FGF14: variants seen among roughly 807,000 people sequenced by gnomAD.
FGF14 encodes fibroblast growth factor homologous factor 4.
Under a neutral mutation model 25.5 loss-of-function variants are expected in FGF14, and 5 were observed. That is an observed-to-expected ratio of 0.20 (90% CI 0.10 to 0.41). The LOEUF is 0.41. Among genes scored for constraint, FGF14 ranks in the 10% least tolerant of loss-of-function variants. The pLI, the probability that FGF14 is intolerant of heterozygous loss-of-function variation, is 1.00. For missense variants in FGF14, 222 were observed against 320.1 expected (o/e 0.69, Z 2.34); for synonymous variants, 138 against 118.3 (o/e 1.17, Z -1.08).
At chr13:101,943,812 T>TAAAA (rs58741547) in intron 1 of FGF14, among the ~76,000 whole-genome samples, 2 of 134,256 alleles carry the variant, frequency 1.5e-5, no homozygotes, top group African/African-American at 6.1e-5. Flanking sequence ...TGTCTCTACT[T>TAAAA]AAAAAAAAAA....
chr13:101,953,402 G>A (rs1466385928), intron 1 of FGF14, among the ~76,000 whole-genome samples: 1 of 151,898 alleles, frequency 6.6e-6, no homozygotes, highest in African/African-American at 2.4e-5. Flanking sequence ...GTTCTGCTAG[G>A]ACAGAGATGA....
intron 1 of FGF14, among the ~76,000 whole-genome samples, chr13:101,912,542 A>G (rs1594702140): frequency 6.6e-6 from 1 of 152,290 alleles, no homozygotes; most frequent in African/African-American, 2.4e-5. Flanking sequence ...TAAGATTCCA[A>G]ATAATAAAAC....
At chr13:102,306,854 A>G (rs573135115) in intron 1 of FGF14, among the ~76,000 whole-genome samples, 4 of 152,272 alleles carry the variant, frequency 2.6e-5, no homozygotes, top group African/African-American at 7.2e-5. Flanking sequence ...TATGCACAAT[A>G]AAGACCACCC....
chr13:101,764,760 A>C (rs148445626), intron 3 of FGF14, among the ~76,000 whole-genome samples: 124 of 152,328 alleles, frequency 8.1e-4, no homozygotes, highest in African/African-American at 2.9e-3. Flanking sequence ...GAGGTACTGA[A>C]GTTAAGGAAG....
chr13:102,078,419 C>T (rs944695701), intron 1 of FGF14, among the ~76,000 whole-genome samples: 2 of 151,332 alleles, frequency 1.3e-5, no homozygotes, highest in African/African-American at 4.9e-5. Context: ...CAACTAAAAA[C>T]AAGTCAAACA....
At chr13:102,329,292 GCTT>G (rs1271878340) in intron 1 of FGF14, among the ~76,000 whole-genome samples, 2 of 152,084 alleles carry the variant, frequency 1.3e-5, no homozygotes, top group East Asian at 1.9e-4. Context: ...TGAAGATTTG[GCTT>G]CTTATTAGCC....
chr13:101,749,447 T>C (rs1371166748), intron 3 of FGF14, among the ~76,000 whole-genome samples: 1 of 152,074 alleles, frequency 6.6e-6, no homozygotes, highest in Non-Finnish European at 1.5e-5. Context: ...ATTTCATCTA[T>C]GTAACACTCT....
intron 1 of FGF14, among the ~76,000 whole-genome samples, chr13:101,881,781 C>T (rs1412938817): frequency 6.6e-6 from 1 of 152,150 alleles, no homozygotes; most frequent in Admixed American, 6.5e-5. Context: ...TGGTGTGTCG[C>T]TCAAGTGCCG....
At chr13:101,837,256 T>C (rs770130416) in intron 3 of FGF14, among the ~76,000 whole-genome samples, 7 of 152,116 alleles carry the variant, frequency 4.6e-5, no homozygotes, top group Non-Finnish European at 8.8e-5. Context: ...TACATTTTAA[T>C]ATTCTCTAGT....
chr13:101,902,346 A>G (rs1436836971), intron 1 of FGF14, among the ~76,000 whole-genome samples: 1 of 151,884 alleles, frequency 6.6e-6, no homozygotes, highest in Non-Finnish European at 1.5e-5. Context: ...GGTTCTTTAC[A>G]GTGTCCAGAG....
intron 1 of FGF14, among the ~76,000 whole-genome samples, chr13:102,245,608 A>G (rs2051827174): frequency 6.6e-6 from 1 of 152,084 alleles, no homozygotes; most frequent in South Asian, 2.1e-4. Context: ...AATTTCCTTT[A>G]GATTGTTAAT....
In FGF14 at chr13:102,378,627, C is replaced by CTATA. The variant is rs1268202617; in HGVS notation, c.208+22843_208+22844insTATA. On this transcript the variant is annotated intron_variant, in intron 1 of 4. Coordinates refer to the FGF14 transcript ENST00000376131. Reference sequence around the variant, plus strand: ...TCTATCTATCTATCTATCTATCTATCTATCTATATATATATATATCTTCTC... The same window carrying CTATA: ...TCTATCTATCTATCTATCTATCTATCTATATATCTATATATATATATATCTTCTC... 2.1e-3 allele frequency among the ~76,000 whole-genome samples: 274 copies of CTATA among 132,726 alleles called. 1 individual carries two copies. The highest frequency in any genetic ancestry group is 0.017 in the Middle Eastern group (4 of 238). 87.1% of individuals were successfully genotyped at this position (132,726 alleles called of 152,430 possible). A position where few individuals can be genotyped will look rare whatever the true frequency, so the allele number is the denominator to read the frequency against.
intron 1 of FGF14, among the ~76,000 whole-genome samples, chr13:102,264,823 G>A (rs2052907139): frequency 6.6e-6 from 1 of 151,994 alleles, no homozygotes; most frequent in African/African-American, 2.4e-5. Flanking sequence ...AGGGTATTAG[G>A]ACAAAATCCC....
intron 1 of FGF14, among the ~76,000 whole-genome samples, chr13:102,192,746 T>C (rs969817382): frequency 6.6e-6 from 1 of 152,190 alleles, no homozygotes; most frequent in Non-Finnish European, 1.5e-5. Flanking sequence ...TATGTCACTT[T>C]ATAAAAGGAT....
At chr13:101,825,573 C>T (rs1414983669) in intron 3 of FGF14, among the ~76,000 whole-genome samples, 2 of 152,254 alleles carry the variant, frequency 1.3e-5, no homozygotes, top group East Asian at 1.9e-4. Flanking sequence ...GTATAATACT[C>T]ATCACTATAG....
intron 1 of FGF14, among the ~76,000 whole-genome samples, chr13:102,102,358 T>C (rs573922157): frequency 1.3e-5 from 2 of 152,310 alleles, no homozygotes; most frequent in African/African-American, 4.8e-5. Flanking sequence ...CTGCCTGTGG[T>C]AGTCCAACAA....
intron 1 of FGF14, among the ~76,000 whole-genome samples, chr13:102,173,693 G>C (rs1398412623): frequency 2.6e-5 from 4 of 152,134 alleles, no homozygotes; most frequent in Non-Finnish European, 2.9e-5. Context: ...TAGGTTGGAA[G>C]ACATTATGCT....
At chr13:102,023,452 T>C (rs1291654758) in intron 1 of FGF14, among the ~76,000 whole-genome samples, 1 of 152,020 alleles carries the variant, frequency 6.6e-6, no homozygotes, top group Non-Finnish European at 1.5e-5. Flanking sequence ...TGACATACAA[T>C]TCATGTACCG....
At chr13:101,877,280 A>T (rs561289710) in intron 1 of FGF14, among the ~76,000 whole-genome samples, 1 of 152,262 alleles carries the variant, frequency 6.6e-6, no homozygotes, top group African/African-American at 2.4e-5. Context: ...AACCAAATTG[A>T]TTTTGATTCA....
Sources: allele counts gnomAD v4.1 joint callset (sites outside exome capture counted in the v4.1 genomes callset), GRCh38; gene constraint gnomAD v4.1.1; transcripts MANE v1.5; gene names NCBI Gene and HGNC (gene_info 2026-07-23, HGNC 2026-07-21).